Variants in KLF12 observed in about 807,000 individuals in gnomAD.
KLF12 encodes KLF transcription factor 12.
A neutral mutation model predicts 37.8 loss-of-function variants in KLF12; 9 were observed. The ratio of observed to expected loss-of-function variants is 0.24; its 90% confidence interval spans 0.14 to 0.42. The LOEUF (loss-of-function observed/expected upper bound fraction) is 0.42. Among genes scored for constraint, KLF12 ranks in the 10% least tolerant of loss-of-function variants. KLF12 has a pLI of 1.00. For missense variants in KLF12, 411 were observed against 516.0 expected (o/e 0.80, Z 1.97); for synonymous variants, 208 against 202.1 (o/e 1.03, Z -0.25).
intron 6 of KLF12, among the ~76,000 whole-genome samples, chr13:73,723,371 CACTGAATGGAAGACACATAACAT>C (rs1306210697): frequency 1.3e-5 from 2 of 152,128 alleles, no homozygotes; most frequent in Non-Finnish European, 2.9e-5. Context: ...TAGACATACC[CACTGAATGGAAGACACATAACAT>C]ACTTAAATAT....
the KLF12 span, among the ~76,000 whole-genome samples, chr13:74,215,592 T>A: frequency 6.6e-6 from 1 of 152,210 alleles, no homozygotes; most frequent in Admixed American, 6.5e-5. Context: ...GATTGGAACC[T>A]CTGTGTGTGC....
At chr13:74,174,482 GCCCACCTCGGCCT>G in the KLF12 span, among the ~76,000 whole-genome samples, 551 of 151,772 alleles carry the variant, frequency 3.6e-3, 4 homozygotes, top group African/African-American at 0.012. Flanking sequence ...CTCATGATCT[GCCCACCTCGGCCT>G]CCCAAAGTGC....
At chr13:73,698,867 T>A (rs1175271948) in intron 7 of KLF12, among the ~76,000 whole-genome samples, 1 of 152,162 alleles carries the variant, frequency 6.6e-6, no homozygotes, top group Non-Finnish European at 1.5e-5. Flanking sequence ...TATGTTAGCT[T>A]ATTGAATTGG....
intron 2 of KLF12, among the ~76,000 whole-genome samples, chr13:73,954,201 G>T (rs571451387): frequency 1.3e-5 from 2 of 151,682 alleles, no homozygotes; most frequent in African/African-American, 4.8e-5. Flanking sequence ...GATGGTCTCG[G>T]TCTCCTGACT....
At chr13:74,091,557 A>G (rs916809333) in intron 1 of KLF12, among the ~76,000 whole-genome samples, 1 of 152,164 alleles carries the variant, frequency 6.6e-6, no homozygotes, top group Non-Finnish European at 1.5e-5. Flanking sequence ...AAGGCACCAC[A>G]GTTTCTTCAT....
intron 7 of KLF12, among the ~76,000 whole-genome samples, chr13:73,711,132 C>G (rs1875366087): frequency 6.6e-6 from 1 of 152,178 alleles, no homozygotes; most frequent in Non-Finnish European, 1.5e-5. Flanking sequence ...AAGAAAGCTG[C>G]AGAAGGAAAG....
At chr13:74,097,568 T>A (rs1050449526) in intron 1 of KLF12, among the ~76,000 whole-genome samples, 1 of 152,170 alleles carries the variant, frequency 6.6e-6, no homozygotes, top group African/African-American at 2.4e-5. Flanking sequence ...AGACTTCATA[T>A]GCTGCTGAGA....
the KLF12 span, among the ~76,000 whole-genome samples, chr13:74,245,654 C>T: frequency 6.6e-6 from 1 of 152,086 alleles, no homozygotes; most frequent in East Asian, 1.9e-4. Context: ...AGAGTTCTTA[C>T]CATATTTTAT....
intron 4 of KLF12, among the ~76,000 whole-genome samples, chr13:73,835,427 A>G (rs1327959246): frequency 6.6e-6 from 1 of 152,184 alleles, no homozygotes; most frequent in African/African-American, 2.4e-5. Flanking sequence ...GTTGATATGA[A>G]AGAGAAAAAT....
intron 3 of KLF12, among the ~76,000 whole-genome samples, chr13:73,857,966 T>C (rs1199744699): frequency 1.3e-5 from 2 of 152,214 alleles, no homozygotes; most frequent in African/African-American, 4.8e-5. Flanking sequence ...AGTATGAGCT[T>C]AATTTTGTCC....
At chr13:73,974,310 C>CAAAA (rs61516158) in intron 2 of KLF12, among the ~76,000 whole-genome samples, 1 of 146,298 alleles carries the variant, frequency 6.8e-6, no homozygotes, top group African/African-American at 2.5e-5. Context: ...AACTTCAAGA[C>CAAAA]AAAAAAAAAA....
intron 1 of KLF12, among the ~76,000 whole-genome samples, chr13:74,133,010 G>A (rs978917953): frequency 1.3e-5 from 2 of 152,114 alleles, no homozygotes; most frequent in African/African-American, 4.8e-5. Context: ...TCCCGGCCCG[G>A]GTGGACGTAC....
At chr13:73,725,874 TA>T (rs1212115098) in intron 6 of KLF12, among the ~76,000 whole-genome samples, 3 of 150,508 alleles carry the variant, frequency 2.0e-5, no homozygotes, top group African/African-American at 4.9e-5. Flanking sequence ...TTTATTTATT[TA>T]TTTATTTTTT....
chr13:74,056,269 GC>G (rs1873237314), intron 1 of KLF12, among the ~76,000 whole-genome samples: 1 of 152,184 alleles, frequency 6.6e-6, no homozygotes, highest in Non-Finnish European at 1.5e-5. Flanking sequence ...GGTGTACACA[GC>G]AGCCCATCAG....
chr13:74,097,248 G>A (rs550125779), intron 1 of KLF12, among the ~76,000 whole-genome samples: 31 of 152,212 alleles, frequency 2.0e-4, no homozygotes, highest in African/African-American at 7.5e-4. Flanking sequence ...CATCTTAGAG[G>A]GGTTACAAAG....
chr13:73,992,009 C>G (rs1891982348), intron 2 of KLF12, among the ~76,000 whole-genome samples: 2 of 152,144 alleles, frequency 1.3e-5, no homozygotes, highest in Admixed American at 6.6e-5. Flanking sequence ...TAAAAGTCAC[C>G]CCACTGCTAA....
At chr13:74,155,321 A>G in the KLF12 span, among the ~76,000 whole-genome samples, 1 of 151,924 alleles carries the variant, frequency 6.6e-6, no homozygotes, top group South Asian at 2.1e-4. Context: ...AGTCAGTTAT[A>G]TATAGCTCCT....
the KLF12 span, among the ~76,000 whole-genome samples, chr13:74,225,466 C>T: frequency 6.6e-6 from 1 of 152,176 alleles, no homozygotes; most frequent in Non-Finnish European, 1.5e-5. Flanking sequence ...CCTACCTCTT[C>T]TCCAAGAAGT....
At chr13:74,250,847 T>C in the KLF12 span, among the ~76,000 whole-genome samples, 1 of 152,146 alleles carries the variant, frequency 6.6e-6, no homozygotes, top group Non-Finnish European at 1.5e-5. Flanking sequence ...AGCAAAAAGA[T>C]AGATGTGCCA....
Sources: gnomAD v4.1 joint callset for allele counts (sites outside exome capture counted in the v4.1 genomes callset) on GRCh38, gnomAD v4.1.1 for gene constraint, MANE v1.5 for transcripts, NCBI Gene and HGNC (gene_info 2026-07-23, HGNC 2026-07-21) for gene names.